Variants in CREBL2 observed in about 807,000 individuals in gnomAD.
CREBL2 encodes the protein cAMP responsive element binding protein like 2, also known as cAMP-responsive element-binding protein-like 2.
CREBL2 carries 4 observed loss-of-function variants against 19.5 expected under a neutral mutation model. The ratio of observed to expected loss-of-function variants is 0.20; its 90% confidence interval spans 0.10 to 0.47. The LOEUF is 0.47. CREBL2 is among the 20% of genes least tolerant of loss of function. CREBL2 has a pLI of 0.98. For synonymous variants in CREBL2, 42 were observed against 46.6 expected, an observed-to-expected ratio of 0.90 and a Z score of 0.40; for missense variants, 85 against 145.1, an observed-to-expected ratio of 0.59 and a Z score of 2.13.
chr12:12,627,810 G>A (rs1182725267), intron 1 of CREBL2, among the ~76,000 whole-genome samples: 3 of 152,316 alleles, frequency 2.0e-5, no homozygotes, highest in Middle Eastern at 3.4e-3. Flanking sequence ...GTTTTCCAAA[G>A]TGGCTGCACC....
chr12:12,637,476 G>T, intron 2 of CREBL2, 94 bp from the exon 3 acceptor site: 2 of 838,108 alleles, frequency 2.4e-6, no homozygotes, highest in Non-Finnish European at 1.6e-6. Flanking sequence ...CTATGTCTAG[G>T]ATTTCTACCA....
chr12:12,630,309 T>G (rs1236001021), intron 1 of CREBL2, among the ~76,000 whole-genome samples: 5 of 151,960 alleles, frequency 3.3e-5, no homozygotes, highest in Non-Finnish European at 7.4e-5. Context: ...TTTCTATTTC[T>G]TCTTGAGTCT....
At chr12:12,635,470 T>C (rs1354390326) in intron 1 of CREBL2, among the ~76,000 whole-genome samples, 1 of 152,040 alleles carries the variant, frequency 6.6e-6, no homozygotes, top group African/African-American at 2.4e-5. Flanking sequence ...GCTAAATAAA[T>C]AAATAAATAA....
Position 12,641,259 on chromosome 12 carries a change from TTTTA to T in CREBL2, c.359-731_359-728del, listed in dbSNP as rs1421588901. On this transcript the variant is annotated intron_variant, in intron 3 of 3. Coordinates refer to ENST00000228865, the MANE Select transcript of CREBL2 (RefSeq NM_001310.4). ...TATTATTATTATTATTATTATTTTT[TTTTA>T]TTTTTTTTTTTTTTAGGTCAACCTC... Among the ~76,000 whole-genome samples the T allele has an allele frequency of 9.9e-4, 97 of 97,902 alleles. 4 individuals are homozygous for T. The highest frequency in any genetic ancestry group is 1.7e-3 in the South Asian group (5 of 2,952). 64.2% of individuals were successfully genotyped at this position (97,902 alleles called of 152,430 possible). A position where few individuals can be genotyped will look rare whatever the true frequency, so the allele number is the denominator to read the frequency against.
At chr12:12,618,032 A>G (rs1402884836) in intron 1 of CREBL2, among the ~76,000 whole-genome samples, 2 of 152,222 alleles carry the variant, frequency 1.3e-5, no homozygotes, top group South Asian at 4.1e-4. Context: ...AATTCTTCTT[A>G]GTACAGAACA....
At chr12:12,640,602 T>G (rs1346981306) in intron 3 of CREBL2, among the ~76,000 whole-genome samples, 17 of 152,298 alleles carry the variant, frequency 1.1e-4, no homozygotes, top group Non-Finnish European at 2.2e-4. Flanking sequence ...GATAATAGGA[T>G]TAAGAGTAAA....
intron 1 of CREBL2, among the ~76,000 whole-genome samples, chr12:12,613,258 T>G (rs1945281875): frequency 6.6e-6 from 1 of 152,254 alleles, no homozygotes; most frequent in Non-Finnish European, 1.5e-5. Flanking sequence ...TTATTGATGT[T>G]TCAGGTTGTT....
intron 1 of CREBL2, among the ~76,000 whole-genome samples, chr12:12,634,758 A>G (rs1945462030): frequency 6.6e-6 from 1 of 152,182 alleles, no homozygotes; most frequent in Non-Finnish European, 1.5e-5. Context: ...TCAAGGCAAT[A>G]AAAACTTCTT....
rs184182974 is a variant in CREBL2 at position 12,619,258 on chromosome 12, G to A, written c.15+7071G>A. ...CATTAAGTTAGATAGTGTGAGAAAG[G>A]TAGTCTCCTGAGGCCACCTCCATGT... On this transcript the variant is annotated intron_variant, in intron 1 of 3. Transcript: ENST00000228865. Among the ~76,000 whole-genome samples the A allele has an allele frequency of 1.3e-4, 20 of 152,212 alleles. No homozygotes were observed. The East Asian group carries it at 3.5e-3, about 26-fold the overall frequency.
intron 1 of CREBL2, among the ~76,000 whole-genome samples, chr12:12,634,053 G>A (rs1945458216): frequency 2.0e-5 from 3 of 152,144 alleles, no homozygotes; most frequent in African/African-American, 7.2e-5. Flanking sequence ...TAATCAGATT[G>A]GGAATTTAAA....
At chr12:12,633,157 G>A (rs1044480783) in intron 1 of CREBL2, among the ~76,000 whole-genome samples, 1 of 151,972 alleles carries the variant, frequency 6.6e-6, no homozygotes, top group Non-Finnish European at 1.5e-5. Flanking sequence ...GGCTGGTCTC[G>A]AATTCCTGAC....
At chr12:12,613,677 G>C (rs1055638770) in intron 1 of CREBL2, among the ~76,000 whole-genome samples, 2 of 152,166 alleles carry the variant, frequency 1.3e-5, no homozygotes, top group African/African-American at 4.8e-5. Flanking sequence ...AGACAGAAGG[G>C]GGGCGAGTTT....
chr12:12,628,275 G>A (rs1945418169), intron 1 of CREBL2, among the ~76,000 whole-genome samples: 1 of 152,104 alleles, frequency 6.6e-6, no homozygotes. Context: ...ATGATGTTGA[G>A]TATTTTTTCA....
intron 1 of CREBL2, among the ~76,000 whole-genome samples, chr12:12,615,286 A>G (rs1027050585): frequency 1.3e-5 from 2 of 151,636 alleles, no homozygotes; most frequent in Non-Finnish European, 2.9e-5. Context: ...TCCTGGCCTC[A>G]AGTGATCCGC....
At chr12:12,641,263 ATT>A (rs761407635) in intron 3 of CREBL2, among the ~76,000 whole-genome samples, 38 of 85,918 alleles carry the variant, frequency 4.4e-4, no homozygotes, top group African/African-American at 1.4e-3. Flanking sequence ...ATTTTTTTTT[ATT>A]TTTTTTTTTT....
chr12:12,636,051 C>T (rs986948962), intron 2 of CREBL2, 77 bp downstream of exon 2: 2 of 1,300,048 alleles, frequency 1.5e-6, no homozygotes, highest in African/African-American at 1.5e-5. Context: ...ACGAAAATAC[C>T]AGTTATCACC....
At position 12,642,226 on chromosome 12, in the gene CREBL2, T is replaced by TG. The variant is rs1339884821; in HGVS notation, c.*229dup. 8.0e-6 allele frequency: 3 copies of TG among 375,834 alleles called. No individual in the cohort carries two copies. The Admixed American group carries it at 1.4e-4, about 17-fold the overall frequency. 23.3% of individuals were successfully genotyped at this position (375,834 alleles called of 1,614,324 possible). A position where few individuals can be genotyped will look rare whatever the true frequency, so the allele number is the denominator to read the frequency against. On this transcript the variant is annotated 3_prime_UTR_variant, in exon 4 of 4. Coordinates refer to ENST00000228865, the MANE Select transcript of CREBL2 (RefSeq NM_001310.4). ...CATTCAGACCTGTCTGGGTTGGTATTGCCACCCATGACATTTAACATGTTG... is the reference window on the plus strand; with the variant it reads ...CATTCAGACCTGTCTGGGTTGGTATTGGCCACCCATGACATTTAACATGTTG...
At chr12:12,624,593 G>A (rs1048015718) in intron 1 of CREBL2, among the ~76,000 whole-genome samples, 1 of 152,232 alleles carries the variant, frequency 6.6e-6, no homozygotes, top group East Asian at 1.9e-4. Context: ...GGTGCTAGCA[G>A]GAGTGAACTT....
intron 1 of CREBL2, among the ~76,000 whole-genome samples, chr12:12,617,697 T>G: frequency 7.4e-6 from 1 of 134,690 alleles, no homozygotes; most frequent in African/African-American, 2.7e-5. Context: ...TTATTGATCA[T>G]TCTTGGGTGT....
Sources: gnomAD v4.1 joint callset for allele counts (sites outside exome capture counted in the v4.1 genomes callset) on GRCh38, gnomAD v4.1.1 for gene constraint, MANE v1.5 for transcripts, NCBI Gene and HGNC (gene_info 2026-07-23, HGNC 2026-07-21) for gene names.